The following ZNFX1 variants were observed in gnomAD, a reference collection of about 807,000 sequenced individuals.
ZNFX1 encodes the protein NFX1-type zinc finger-containing protein 1.
A neutral mutation model predicts 179.8 loss-of-function variants in ZNFX1; 78 were observed. The observed-to-expected ratio is 0.43, with a 90% confidence interval of 0.36 to 0.52. ZNFX1 has a LOEUF of 0.52. Among genes scored for constraint, ZNFX1 ranks in the 20% least tolerant of loss-of-function variants. The pLI, the probability that ZNFX1 is intolerant of heterozygous loss-of-function variation, is 0.00. For synonymous variants in ZNFX1, 848 were observed against 868.5 expected (o/e 0.98, Z 0.42); for missense variants, 1,927 against 2,386.6 (o/e 0.81, Z 4.01).
In ZNFX1 at chr20:49,247,890, G is replaced by A; in HGVS notation, c.5134C>T (p.Leu1712=). ...VENYISFYDH[L]ASLWDSLKKM... ...TTCAGGGAATCCCACAGGCTGGCCAGGTGGTCATAGAAGCTGATGTAATTC... is the reference window on the plus strand; with the variant it reads ...TTCAGGGAATCCCACAGGCTGGCCAAGTGGTCATAGAAGCTGATGTAATTC... The change falls in exon 14 of 14, where the codon CTG becomes TTG. Residue 1712 remains leucine (L), a synonymous_variant. Transcript: ENST00000396105. 1.2e-6 allele frequency: 2 copies of A among 1,614,142 alleles called. No homozygotes were observed. Among genetic ancestry groups the A allele is most frequent in the Non-Finnish European group, 1.7e-6 (2 of 1,180,018 alleles).
In ZNFX1 at chr20:49,246,884, T is replaced by C. The variant is rs372280738; in HGVS notation, c.*383A>G. 2.4e-6 allele frequency: 1 copy of C among 422,382 alleles called. No individual in the cohort carries two copies. The highest frequency in any genetic ancestry group is 4.7e-6 in the Non-Finnish European group (1 of 211,356). 26.2% of individuals were successfully genotyped at this position (422,382 alleles called of 1,614,324 possible). ...ACTAAAAAGAATGATTTTTTTTTTT[T>C]TGAGACAGAGTCTTGCTCCTGTCGC... On this transcript the variant is annotated 3_prime_UTR_variant, in exon 14 of 14. Transcript: ENST00000396105.
At chr20:49,266,922 G>A (rs1977128) in intron 3 of ZNFX1, among the ~76,000 whole-genome samples, 28,878 of 151,968 alleles carry the variant, frequency 0.19, 2,810 homozygotes, top group Non-Finnish European at 0.22. Context: ...TTGAGATGGA[G>A]TTTCGCTCTT....
intron 6 of ZNFX1, among the ~76,000 whole-genome samples, chr20:49,261,648 G>GTT (rs146430460): frequency 2.2e-5 from 3 of 136,160 alleles, no homozygotes; most frequent in African/African-American, 8.1e-5. Flanking sequence ...CATGACACAA[G>GTT]TTTTTTTTTT....
chr20:49,261,286 C>A (rs1428188139), intron 6 of ZNFX1, among the ~76,000 whole-genome samples: 1 of 152,046 alleles, frequency 6.6e-6, no homozygotes, highest in African/African-American at 2.4e-5. Flanking sequence ...CTATTCACAA[C>A]AGCAAAGACA....
At position 49,257,524 on chromosome 20, in the gene ZNFX1, C is replaced by G. The variant is rs1262750953; in HGVS notation, c.2557G>C (p.Glu853Gln). Residue 853 changes from glutamate to glutamine, a missense_variant, in exon 8 of 14, where the codon GAG (glutamate) becomes CAG (glutamine). By Grantham distance (29) the Glu-to-Gln change is conservative (BLOSUM62 2). Coordinates refer to ENST00000396105, the MANE Select transcript of ZNFX1 (RefSeq NM_021035.3). ...VVRPQRRKKE[E>Q]SGADQELAKM... ...GCCAACTCCTGGTCTGCTCCACTCT[C>G]TTCCTTCTTCCGCCGCTGGGGCCTC... 6.2e-7 allele frequency: 1 copy of G among 1,613,844 alleles called. No homozygotes were observed. The highest frequency in any genetic ancestry group is 1.3e-5 in the African/African-American group (1 of 74,840).
In ZNFX1 at chr20:49,271,440, G is replaced by C. The variant is rs761682625; in HGVS notation, c.372C>G (p.Phe124Leu). The C allele has an allele frequency of 1.9e-6, 3 of 1,614,182 alleles. No individual in the cohort carries two copies. Among genetic ancestry groups the C allele is most frequent in the Non-Finnish European group, 2.5e-6 (3 of 1,180,034 alleles). Reference sequence around the variant, plus strand: ...TCTGGTGGGGAGTCCGCCACTGCTGGAAGTTGTCATTGGACCATGGTGGTC... The same window carrying C: ...TCTGGTGGGGAGTCCGCCACTGCTGCAAGTTGTCATTGGACCATGGTGGTC... ...NRRPPWSNDN[F>L]QQWRTPHQKP... is the part of the protein sequence containing the mutation. Residue 124 changes from phenylalanine to leucine, a missense_variant, in exon 3 of 14, where the codon TTC becomes TTG. Coordinates refer to ENST00000396105, the MANE Select transcript of ZNFX1 (RefSeq NM_021035.3).
intron 13 of ZNFX1, 71 bp from the exon 14 acceptor site, chr20:49,249,782 A>G: frequency 6.6e-7 from 1 of 1,514,130 alleles, no homozygotes; most frequent in East Asian, 2.3e-5. Flanking sequence ...CTCTCTTGAC[A>G]TGCACTGGCC....
rs140020490 is a variant in ZNFX1 at position 49,247,609 on chromosome 20, A to C, written c.5415T>G (p.Asp1805Glu). ...LEKTCKFTQE[D>E]EQLVQEKMEA... ...CCATCTTTTCCTGCACAAGTTGTTC[A>C]TCCTCTTGGGTGAACTTACATGTTT... Residue 1805 changes from aspartate to glutamate, a missense_variant, in exon 14 of 14, where the codon GAT becomes GAG. Physicochemically the swap from Asp to Glu is conservative, Grantham distance 45. Coordinates refer to ENST00000396105, the MANE Select transcript of ZNFX1 (RefSeq NM_021035.3). 160 of 1,614,244 alleles carry C rather than the reference A, an allele frequency of 9.9e-5. No individual in the cohort carries two copies. In the African/African-American group the frequency reaches 1.9e-3, roughly 19 times the overall value.
chr20:49,259,681 G>A (rs1981068315), intron 7 of ZNFX1, among the ~76,000 whole-genome samples: 1 of 152,002 alleles, frequency 6.6e-6, no homozygotes, highest in South Asian at 2.1e-4. Context: ...CTCCTGCCTT[G>A]CACTTGCAAA....
Position 49,271,247 on chromosome 20 carries a change from G to C in ZNFX1, c.565C>G (p.Gln189Glu), listed in dbSNP as rs1486690749. ...MKSNFLELIC[Q>E]VLRKACSSKM... ...GAGCTACAAGCCTTCCGAAGAACCT[G>C]ACAGATGAGCTCAAGGAAGTTAGAT... Residue 189 changes from glutamine to glutamate, a missense_variant, in exon 3 of 14, where the codon CAG becomes GAG. Physicochemically the swap from Gln to Glu is conservative, Grantham distance 29 (BLOSUM62 2). Coordinates refer to ENST00000396105, the MANE Select transcript of ZNFX1 (RefSeq NM_021035.3). 3 of 1,614,190 alleles carry C rather than the reference G, an allele frequency of 1.9e-6. No homozygotes were observed. The South Asian group carries it at 3.3e-5, about 18-fold the overall frequency.
Position 49,247,261 on chromosome 20 carries a change from A to G in ZNFX1, c.*6T>C. ...CGAGGGCAAAAGGCAGTGGTGTACC[A>G]TCTTCCTACATCATCCCCTGGATCT... On this transcript the variant is annotated 3_prime_UTR_variant, in exon 14 of 14. Coordinates refer to ENST00000396105, the MANE Select transcript of ZNFX1 (RefSeq NM_021035.3). The G allele has an allele frequency of 6.3e-7, 1 of 1,595,088 alleles. No homozygotes were observed. Among genetic ancestry groups the G allele is most frequent in the Non-Finnish European group, 8.6e-7 (1 of 1,168,320 alleles).
In ZNFX1 at chr20:49,249,638, T is replaced by C. The variant is rs1473735909; in HGVS notation, c.3386A>G (p.Gln1129Arg). Residue 1129 changes from glutamine (Q) to arginine (R), a missense_variant, in exon 14 of 14, where the codon CAG (glutamine) becomes CGG (arginine). Transcript: ENST00000396105. ...EQEIQEGKSH[Q>R]NQHEAHFVVE... is the part of the protein sequence containing the mutation. ...CACAAAGTGAGCCTCATGCTGGTTC[T>C]GATGGCTTTTGCCCTCTTGGATTTC... is the stretch of plus-strand genomic sequence containing the variant. 2 of 1,614,246 alleles carry C rather than the reference T, an allele frequency of 1.2e-6. No homozygotes were observed. The highest frequency in any genetic ancestry group is 1.7e-5 in the Admixed American group (1 of 60,024).
chr20:49,255,395 C>T (rs1980945437), intron 9 of ZNFX1, among the ~76,000 whole-genome samples: 1 of 151,668 alleles, frequency 6.6e-6, no homozygotes, highest in African/African-American at 2.4e-5. Context: ...CTATGTTGCC[C>T]AGGCTGGTCT....
rs775867313 is a variant in ZNFX1, at chr20:49,248,701, G to A, written c.4323C>T (p.Cys1441=). The A allele has an allele frequency of 5.0e-6, 8 of 1,612,400 alleles. No homozygotes were observed. The highest frequency in any genetic ancestry group is 2.2e-5 in the East Asian group (1 of 44,886). The change falls in exon 14 of 14, where the codon TGC becomes TGT. Residue 1441 remains cysteine, a synonymous_variant. Transcript: ENST00000396105. This position sits in a 1 kb window ranked among gnomAD's most constrained non-coding sequence, Gnocchi z 4.6. ...CTTKCGTILD[C]GHPCPGSCHS... The stretch of plus-strand genomic sequence containing the variant: ...GGCAGGAGCCTGGGCAAGGATGCCC[G>A]CAGTCCAAGATAGTGCCACACTTTG...
chr20:49,267,905 G>C (rs1981279547), intron 3 of ZNFX1, among the ~76,000 whole-genome samples: 1 of 144,384 alleles, frequency 6.9e-6, no homozygotes, highest in Non-Finnish European at 1.5e-5. Flanking sequence ...GTGGAGTCTT[G>C]CTCTGTTGCC....
In ZNFX1 at chr20:49,247,674, T is replaced by A. The variant is rs371648037; in HGVS notation, c.5350A>T (p.Ile1784Leu). The change falls in exon 14 of 14, where the codon ATA (isoleucine) becomes TTA (leucine). Residue 1784 changes from isoleucine to leucine, a missense_variant. Physicochemically the swap from Ile to Leu is conservative, Grantham distance 5. Transcript: ENST00000396105. ...TGGACACTATAGACCTCTACTGCTA[T>A]GCTATCTTTCACCTTCTTCTCTGCT... ...KIAEKKVKDSIAVEVYSVQNI... is the reference protein window; with the variant it reads ...KIAEKKVKDSLAVEVYSVQNI... The A allele has an allele frequency of 4.5e-5, 72 of 1,614,122 alleles. No individual in the cohort carries two copies. Among genetic ancestry groups the A allele is most frequent in the Non-Finnish European group, 5.8e-5 (68 of 1,180,052 alleles).
Position 49,271,713 on chromosome 20 carries a change from A to G in ZNFX1, c.99T>C (p.Asn33=). The change falls in exon 3 of 14, where the codon AAT becomes AAC. Residue 33 remains asparagine (N), a synonymous_variant. Transcript: ENST00000396105. ...CATTGGCTGGTGGGTTATTGGCCTG[A>G]TTTCTAGCTCTTGGTGGTAACTCTC... ...VDGELPPRAR[N]QANNPPANAL... The G allele has an allele frequency of 1.2e-6, 2 of 1,613,376 alleles. No homozygotes were observed. Among genetic ancestry groups the G allele is most frequent in the Non-Finnish European group, 1.7e-6 (2 of 1,179,732 alleles).
chr20:49,272,271 A>C (rs956078008), intron 2 of ZNFX1, among the ~76,000 whole-genome samples: 1 of 149,696 alleles, frequency 6.7e-6, no homozygotes, highest in African/African-American at 2.5e-5. Flanking sequence ...TCTGCCTCCT[A>C]GGTTCAAGTG....
intron 1 of ZNFX1, among the ~76,000 whole-genome samples, chr20:49,276,486 A>G (rs1981563043): frequency 6.6e-6 from 1 of 152,252 alleles, no homozygotes; most frequent in Admixed American, 6.5e-5. Context: ...ATGTTTCAAT[A>G]ACCAGGAGGT....
Sources: allele counts gnomAD v4.1 joint callset (sites outside exome capture counted in the v4.1 genomes callset), GRCh38; gene constraint gnomAD v4.1.1; non-coding constraint Gnocchi (gnomAD v3.1); transcripts MANE v1.5; gene names NCBI Gene and HGNC (gene_info 2026-07-23, HGNC 2026-07-21).